Variants in GALNTL6 observed in about 807,000 individuals in gnomAD.
GALNTL6 encodes polypeptide N-acetylgalactosaminyltransferase-like 6.
A neutral mutation model predicts 73.7 loss-of-function variants in GALNTL6; 46 were observed. That is an observed-to-expected ratio of 0.62 (90% CI 0.49 to 0.80). GALNTL6 has a LOEUF of 0.80. Ranked by LOEUF, GALNTL6 falls within the 30% of genes least tolerant of loss-of-function variation. The pLI is 0.00. For synonymous variants in GALNTL6, 259 were observed against 263.7 expected, an observed-to-expected ratio of 0.98 and a Z score of 0.17; for missense variants, 604 against 755.0, an observed-to-expected ratio of 0.80 and a Z score of 2.34.
intron 2 of GALNTL6, among the ~76,000 whole-genome samples, chr4:172,051,854 A>G (rs975705990): frequency 1.3e-5 from 2 of 152,078 alleles, no homozygotes; most frequent in Non-Finnish European, 2.9e-5. Flanking sequence ...TGTCCATATC[A>G]TTAGTTTTCT....
Position 172,813,677 on chromosome 4 carries a change from C to T in GALNTL6, c.877C>T (p.Pro293Ser). The T allele has an allele frequency of 6.2e-7, 1 of 1,612,508 alleles. No homozygotes were observed. Among genetic ancestry groups the T allele is most frequent in the Non-Finnish European group, 8.5e-7 (1 of 1,178,910 alleles). Residue 293 changes from proline to serine, a missense_variant, in exon 7 of 13, where the codon CCC (proline) becomes TCC (serine). This residue lies in a region of GALNTL6 where 179 missense variants were observed against 230.8 expected (regional missense o/e 0.78). Coordinates refer to ENST00000506823, the MANE Select transcript of GALNTL6 (RefSeq NM_001034845.3). Reference protein sequence around the residue: ...FDWEMYYKRIPIPPELQRADP... With the variant: ...FDWEMYYKRISIPPELQRADP... ...CTGGGAAATGTACTACAAAAGAATC[C>T]CCATCCCTCCAGAGCTCCAGAGGGC...
intron 2 of GALNTL6, among the ~76,000 whole-genome samples, chr4:172,186,706 A>G (rs1053227925): frequency 6.6e-6 from 1 of 152,142 alleles, no homozygotes; most frequent in Non-Finnish European, 1.5e-5. Flanking sequence ...CATTTCATTT[A>G]TATGAAATAT....
At chr4:172,619,066 T>G (rs571321898) in intron 5 of GALNTL6, among the ~76,000 whole-genome samples, 6 of 152,254 alleles carry the variant, frequency 3.9e-5, no homozygotes, top group African/African-American at 1.4e-4. Context: ...CTCTCTCTTC[T>G]TGGCTTAAAT....
chr4:172,530,632 T>C (rs564638825), intron 5 of GALNTL6, among the ~76,000 whole-genome samples: 1 of 152,316 alleles, frequency 6.6e-6, no homozygotes, highest in East Asian at 1.9e-4. Flanking sequence ...CTTAAATTAT[T>C]TTGATTATAA....
intron 3 of GALNTL6, among the ~76,000 whole-genome samples, chr4:172,294,086 A>T (rs1288329077): frequency 6.6e-6 from 1 of 151,768 alleles, no homozygotes; most frequent in Non-Finnish European, 1.5e-5. Flanking sequence ...TGCTACAAAT[A>T]AGAGATTATA....
intron 3 of GALNTL6, among the ~76,000 whole-genome samples, chr4:172,287,460 A>G (rs1014500145): frequency 7.2e-5 from 11 of 152,208 alleles, no homozygotes; most frequent in East Asian, 5.8e-4. Context: ...ACACTGTTTT[A>G]TTTATCAGTA....
At chr4:172,284,206 A>G (rs1159820006) in intron 3 of GALNTL6, among the ~76,000 whole-genome samples, 2 of 152,242 alleles carry the variant, frequency 1.3e-5, no homozygotes, top group African/African-American at 4.8e-5. Flanking sequence ...ATATCAGTGC[A>G]ATTAATCTTT....
At chr4:172,887,587 C>T (rs1264731119) in intron 8 of GALNTL6, among the ~76,000 whole-genome samples, 3 of 135,842 alleles carry the variant, frequency 2.2e-5, no homozygotes, top group South Asian at 2.3e-4. Context: ...TTTTTGAGAT[C>T]GAGTCTCACT....
rs530860646 is a variant in GALNTL6, at chr4:172,466,122, A to T, written c.553+117433A>T. 2.0e-5 allele frequency among the ~76,000 whole-genome samples: 3 copies of T among 152,312 alleles called. No homozygotes were observed. In the East Asian group the frequency reaches 5.8e-4, roughly 29 times the overall value. ...AACATTTTGAAGGAACGATGAAATGATTACTTTTCCTTTAGTAGCTTCAGT... is the reference window on the plus strand; with the variant it reads ...AACATTTTGAAGGAACGATGAAATGTTTACTTTTCCTTTAGTAGCTTCAGT... On this transcript the variant is annotated intron_variant, in intron 5 of 12. Transcript: ENST00000506823.
intron 5 of GALNTL6, among the ~76,000 whole-genome samples, chr4:172,629,905 G>A (rs1006836265): frequency 6.6e-6 from 1 of 152,088 alleles, no homozygotes; most frequent in Non-Finnish European, 1.5e-5. Flanking sequence ...CACATTAAGA[G>A]ATCATTTAAA....
chr4:172,571,176 C>T (rs1020627639), intron 5 of GALNTL6, among the ~76,000 whole-genome samples: 7 of 152,066 alleles, frequency 4.6e-5, no homozygotes, highest in South Asian at 2.1e-4. Context: ...GCAGCCCTAG[C>T]GAACTAACAC....
intron 2 of GALNTL6, among the ~76,000 whole-genome samples, chr4:172,209,851 C>G (rs1180903966): frequency 6.6e-6 from 1 of 151,990 alleles, no homozygotes; most frequent in Non-Finnish European, 1.5e-5. Flanking sequence ...AAAAAGACTT[C>G]TTGGTGCATT....
At chr4:172,432,264 T>C (rs1310900427) in intron 5 of GALNTL6, among the ~76,000 whole-genome samples, 4 of 151,666 alleles carry the variant, frequency 2.6e-5, no homozygotes, top group Non-Finnish European at 5.9e-5. Context: ...AGGAGAGTTA[T>C]ATGAGTGTGG....
chr4:172,708,868 C>T (rs1734523724), intron 5 of GALNTL6, among the ~76,000 whole-genome samples: 1 of 152,076 alleles, frequency 6.6e-6, no homozygotes, highest in South Asian at 2.1e-4. Flanking sequence ...CTTTCAAACT[C>T]TTTACTTCTT....
At chr4:172,726,454 AGG>A in intron 5 of GALNTL6, among the ~76,000 whole-genome samples, 1 of 152,220 alleles carries the variant, frequency 6.6e-6, no homozygotes, top group South Asian at 2.1e-4. Flanking sequence ...GGCTCCTGCA[AGG>A]AGAGCTTGGC....
intron 5 of GALNTL6, among the ~76,000 whole-genome samples, chr4:172,486,507 G>C (rs1226417142): frequency 6.6e-6 from 1 of 152,144 alleles, no homozygotes; most frequent in Non-Finnish European, 1.5e-5. Flanking sequence ...GTTGTCTTGA[G>C]TGGAAGGATA....
At chr4:172,900,315 A>C (rs570097887) in intron 8 of GALNTL6, among the ~76,000 whole-genome samples, 27 of 152,212 alleles carry the variant, frequency 1.8e-4, no homozygotes, top group Non-Finnish European at 3.2e-4. Flanking sequence ...ACCCAACGTC[A>C]CTTAGAGATT....
At chr4:172,319,393 G>A (rs1408665668) in intron 4 of GALNTL6, among the ~76,000 whole-genome samples, 1 of 152,132 alleles carries the variant, frequency 6.6e-6, no homozygotes, top group East Asian at 1.9e-4. Flanking sequence ...AACCATCAAT[G>A]TGCATGTTAC....
At chr4:172,311,830 C>A in intron 4 of GALNTL6, 78 bp downstream of exon 4, 1 of 975,238 alleles carries the variant, frequency 1.0e-6, no homozygotes. Flanking sequence ...AAATGTGTAT[C>A]ACTGCGAGAT....
Sources: gnomAD v4.1 joint callset for allele counts (sites outside exome capture counted in the v4.1 genomes callset) on GRCh38, gnomAD v4.1.1 for gene constraint, gnomAD v4.1.1 regional missense constraint, MANE v1.5 for transcripts, NCBI Gene and HGNC (gene_info 2026-07-23, HGNC 2026-07-21) for gene names.